Variants in NBAS observed in about 807,000 individuals in gnomAD.
NBAS encodes NBAS subunit of NRZ tethering complex, also known as NAG/BC035112 fusion.
In NBAS, 219 loss-of-function variants were observed where a neutral mutation model predicts 302.5. The observed-to-expected ratio is 0.72, with a 90% confidence interval of 0.65 to 0.81. The LOEUF is 0.81. Ranked by LOEUF, NBAS falls within the 30% of genes least tolerant of loss-of-function variation. NBAS has a pLI of 0.00. For missense variants in NBAS, 2,932 were observed against 2,841.6 expected, an observed-to-expected ratio of 1.03 and a Z score of -0.72; for synonymous variants, 1,118 against 1,021.6, an observed-to-expected ratio of 1.09 and a Z score of -1.80.
intron 51 of NBAS, among the ~76,000 whole-genome samples, chr2:15,175,948 G>T (rs1450576110): frequency 6.6e-6 from 1 of 152,180 alleles, no homozygotes; most frequent in Non-Finnish European, 1.5e-5. Context: ...CACCATGCAG[G>T]AGAGACTGCT....
chr2:14,887,410 A>AAAAAAAGAAAAAG, the NBAS span, among the ~76,000 whole-genome samples: 6 of 150,670 alleles, frequency 4.0e-5, no homozygotes, highest in African/African-American at 7.3e-5. Context: ...AAAAAAAAAA[A>AAAAAAAGAAAAAG]AAAAAGATAG....
In NBAS at chr2:15,536,475, C is replaced by A. The variant is rs761247880; in HGVS notation, c.590G>T (p.Trp197Leu). The A allele has an allele frequency of 6.2e-7, 1 of 1,613,308 alleles. No individual in the cohort carries two copies. The highest frequency in any genetic ancestry group is 8.5e-7 in the Non-Finnish European group (1 of 1,179,826). Residue 197 changes from tryptophan (W) to leucine (L), a missense_variant, in exon 8 of 52, where the codon TGG becomes TTG. Transcript: ENST00000281513. ...IFLEYKASAQ[W>L]SAELLVINYR... ...ATTGATGACCAGGAGTTCTGCAGAC[C>A]ACTGTGCACTTGCTTTATATTCTAA...
At chr2:14,920,194 T>C in the NBAS span, among the ~76,000 whole-genome samples, 2 of 152,224 alleles carry the variant, frequency 1.3e-5, no homozygotes, top group African/African-American at 4.8e-5. Flanking sequence ...TACATCTCTA[T>C]CAGAGCTCTT....
the NBAS span, among the ~76,000 whole-genome samples, chr2:15,130,137 A>C: frequency 2.0e-5 from 3 of 152,214 alleles, no homozygotes; most frequent in African/African-American, 7.2e-5. Context: ...CTACAAATTC[A>C]ATTATAGAAG....
At chr2:15,355,065 A>T (rs941568657) in intron 33 of NBAS, among the ~76,000 whole-genome samples, 45 of 152,312 alleles carry the variant, frequency 3.0e-4, no homozygotes, top group African/African-American at 1.0e-3. Context: ...GTCTTCATAC[A>T]CATCACAATA....
At chr2:15,253,358 T>G (rs1231089796) in intron 44 of NBAS, among the ~76,000 whole-genome samples, 2 of 152,000 alleles carry the variant, frequency 1.3e-5, no homozygotes, top group African/African-American at 4.8e-5. Context: ...AAGCTATACC[T>G]GCAAAAGCTC....
chr2:15,029,258 G>A, the NBAS span, among the ~76,000 whole-genome samples: 3 of 152,182 alleles, frequency 2.0e-5, no homozygotes, highest in Non-Finnish European at 4.4e-5. Context: ...TCAGGAAGAA[G>A]GTCCCACTAG....
rs545970915 is a variant in NBAS, at chr2:15,508,957, A to G, written c.885+2255T>C. Among the ~76,000 whole-genome samples, 20 of 152,194 alleles carry G rather than the reference A, an allele frequency of 1.3e-4. No individual in the cohort carries two copies. In the East Asian group the frequency reaches 3.7e-3, roughly 28 times the overall value. On this transcript the variant is annotated intron_variant, in intron 10 of 51. Coordinates refer to ENST00000281513, the MANE Select transcript of NBAS (RefSeq NM_015909.4). ...GACGGTGGTTGCAGTGAGCCAAGAAAGCCGCAGACATCATGCTTACTTTAG... is the reference window on the plus strand; with the variant it reads ...GACGGTGGTTGCAGTGAGCCAAGAAGGCCGCAGACATCATGCTTACTTTAG...
the NBAS span, among the ~76,000 whole-genome samples, chr2:14,813,637 T>C: frequency 7.2e-5 from 11 of 152,272 alleles, no homozygotes; most frequent in South Asian, 1.0e-3. Flanking sequence ...CTGGAACTTA[T>C]ATTTAAAAGG....
At chr2:15,087,166 C>G in the NBAS span, among the ~76,000 whole-genome samples, 1 of 150,520 alleles carries the variant, frequency 6.6e-6, no homozygotes, top group Admixed American at 6.6e-5. Context: ...CCCTGCAGAT[C>G]TTGGGACTAG....
At chr2:15,407,280 A>T (rs1281048594) in intron 25 of NBAS, among the ~76,000 whole-genome samples, 1 of 152,210 alleles carries the variant, frequency 6.6e-6, no homozygotes, top group Non-Finnish European at 1.5e-5. Context: ...ACCAAGAGAA[A>T]GTGCACAGAA....
rs1326571990 is a variant in NBAS at position 15,275,593 on chromosome 2, T to G, written c.5615A>C (p.Glu1872Ala). 4 of 1,614,136 alleles carry G rather than the reference T, an allele frequency of 2.5e-6. No individual in the cohort carries two copies. Among genetic ancestry groups the G allele is most frequent in the Non-Finnish European group, 2.5e-6 (3 of 1,180,016 alleles). Residue 1872 changes from glutamate to alanine, a missense_variant, in exon 44 of 52, where the codon GAG becomes GCG. Glu to Ala is a moderately radical substitution (Grantham distance 107). Transcript: ENST00000281513. ...GCAGACATCATAGGCATGAAGCCAC[T>G]CCGGTGAAGAGCCTGGGACTTGTTT... is the stretch of plus-strand genomic sequence containing the variant. ...LIKQVPGSSP[E>A]WLHAYDVCMK...
chr2:15,391,981 A>T (rs1675628236), intron 28 of NBAS, among the ~76,000 whole-genome samples: 1 of 151,650 alleles, frequency 6.6e-6, no homozygotes, highest in Non-Finnish European at 1.5e-5. Flanking sequence ...TTTTTAAACA[A>T]ACAAAGATGT....
At chr2:14,930,134 C>A in the NBAS span, among the ~76,000 whole-genome samples, 1 of 152,132 alleles carries the variant, frequency 6.6e-6, no homozygotes, top group Non-Finnish European at 1.5e-5. Context: ...CATAAATTAC[C>A]TAGTCTCAGA....
chr2:14,993,608 G>A, the NBAS span, among the ~76,000 whole-genome samples: 1 of 152,008 alleles, frequency 6.6e-6, no homozygotes, highest in African/African-American at 2.4e-5. Context: ...CAAAGTGTTG[G>A]CAAATTCTTC....
At chr2:15,056,594 A>T in the NBAS span, among the ~76,000 whole-genome samples, 3 of 152,164 alleles carry the variant, frequency 2.0e-5, no homozygotes, top group Admixed American at 2.0e-4. Flanking sequence ...TGCACACATG[A>T]GACACTCACT....
chr2:15,392,979 T>A (rs1261205474), intron 28 of NBAS, among the ~76,000 whole-genome samples: 2 of 151,992 alleles, frequency 1.3e-5, no homozygotes, highest in Non-Finnish European at 2.9e-5. Context: ...ACAACAGATT[T>A]CAAGAAAACT....
chr2:15,190,226 A>C (rs1665283404), intron 49 of NBAS, 38 bp downstream of exon 49: 1 of 1,611,654 alleles, frequency 6.2e-7, no homozygotes, highest in African/African-American at 1.3e-5. Flanking sequence ...GTCCAAACAA[A>C]AGAACTCTAA....
the NBAS span, among the ~76,000 whole-genome samples, chr2:15,002,630 G>C: frequency 6.6e-6 from 1 of 152,234 alleles, no homozygotes; most frequent in Admixed American, 6.5e-5. Context: ...ATCCCACGGA[G>C]GTGGTGGGAG....
Sources: allele counts gnomAD v4.1 joint callset (sites outside exome capture counted in the v4.1 genomes callset), GRCh38; gene constraint gnomAD v4.1.1; transcripts MANE v1.5; gene names NCBI Gene and HGNC (gene_info 2026-07-23, HGNC 2026-07-21).